The following TIAM2 variants were observed in gnomAD, a reference collection of about 807,000 sequenced individuals.
TIAM2 encodes rho guanine nucleotide exchange factor TIAM2.
Under a neutral mutation model 152.9 loss-of-function variants are expected in TIAM2, and 80 were observed. The ratio of observed to expected loss-of-function variants is 0.52; its 90% CI spans 0.44 to 0.63. The LOEUF (loss-of-function observed/expected upper bound fraction) is 0.63, where lower values mean the gene tolerates loss of function less well. TIAM2 is among the 30% of genes least tolerant of loss of function. The pLI, the probability that TIAM2 is intolerant of heterozygous loss-of-function variation, is 0.00. For synonymous variants in TIAM2, 804 were observed against 838.0 expected (o/e 0.96, Z 0.70); for missense variants, 1,965 against 2,120.1 (o/e 0.93, Z 1.44).
intron 15 of TIAM2, among the ~76,000 whole-genome samples, chr6:155,223,986 T>C (rs1218638344): frequency 6.6e-6 from 1 of 152,252 alleles, no homozygotes; most frequent in African/African-American, 2.4e-5. Context: ...CTTTAATATT[T>C]ACCCAGGGGG....
intron 1 of TIAM2, among the ~76,000 whole-genome samples, chr6:155,020,758 C>T (rs772672396): frequency 1.3e-5 from 2 of 152,150 alleles, no homozygotes; most frequent in African/African-American, 2.4e-5. Flanking sequence ...CCACTGTGCC[C>T]GGCCATATTA....
At chr6:155,102,741 CATG>C (rs887404147) in intron 2 of TIAM2, among the ~76,000 whole-genome samples, 37 of 150,212 alleles carry the variant, frequency 2.5e-4, no homozygotes, top group African/African-American at 9.1e-4. Context: ...ATTAGTAAAA[CATG>C]GTGTTTTTTA....
At chr6:155,133,765 G>T (rs1156497353) in intron 4 of TIAM2, among the ~76,000 whole-genome samples, 1 of 149,764 alleles carries the variant, frequency 6.7e-6, no homozygotes, top group Non-Finnish European at 1.5e-5. Context: ...ATGGAGTCTT[G>T]CTCTTTTTGC....
chr6:155,223,660 GT>G (rs199926692), intron 15 of TIAM2, among the ~76,000 whole-genome samples: 3 of 150,390 alleles, frequency 2.0e-5, no homozygotes, highest in African/African-American at 4.9e-5. Context: ...AACAAAATGG[GT>G]TTTTTTTTGG....
At chr6:155,210,557 G>A (rs1181558216) in intron 14 of TIAM2, among the ~76,000 whole-genome samples, 9 of 151,784 alleles carry the variant, frequency 5.9e-5, no homozygotes, top group East Asian at 3.9e-4. Context: ...GGGTGGTCTC[G>A]AACTCCTGGT....
At chr6:155,227,956 G>A (rs150775293) in intron 15 of TIAM2, among the ~76,000 whole-genome samples, 33 of 152,356 alleles carry the variant, frequency 2.2e-4, no homozygotes, top group African/African-American at 7.7e-4. Context: ...TCAGAGCAGA[G>A]TGCTTGGTCT....
At chr6:155,226,688 A>G (rs1782260535) in intron 15 of TIAM2, among the ~76,000 whole-genome samples, 1 of 152,076 alleles carries the variant, frequency 6.6e-6, no homozygotes. Context: ...GGGGCAGGGA[A>G]GAAAAAAAGA....
At chr6:155,022,080 C>G (rs907920036) in intron 1 of TIAM2, among the ~76,000 whole-genome samples, 1 of 152,188 alleles carries the variant, frequency 6.6e-6, no homozygotes, top group African/African-American at 2.4e-5. Context: ...CTTCCCTCCT[C>G]TGTTTTCAGT....
chr6:155,126,049 T>C (rs1379860732), intron 2 of TIAM2, among the ~76,000 whole-genome samples: 4 of 152,168 alleles, frequency 2.6e-5, no homozygotes, highest in Non-Finnish European at 5.9e-5. Context: ...TTATTCATAA[T>C]AGCCAAGAGG....
chr6:155,168,776 A>G, intron 9 of TIAM2: 2 of 1,317,156 alleles, frequency 1.5e-6, no homozygotes, highest in Non-Finnish European at 2.0e-6. Flanking sequence ...TTAAATAATG[A>G]AAAAGGGTAG....
intron 15 of TIAM2, 25 bp from the exon 16 acceptor site, chr6:155,240,505 T>G: frequency 6.3e-7 from 1 of 1,585,662 alleles, no homozygotes; most frequent in Non-Finnish European, 8.6e-7. Flanking sequence ...CCGTGCATTA[T>G]TTTCCACCTC....
chr6:155,248,673 G>A (rs924606029), intron 20 of TIAM2, among the ~76,000 whole-genome samples: 1 of 152,168 alleles, frequency 6.6e-6, no homozygotes, highest in Non-Finnish European at 1.5e-5. Flanking sequence ...CTTTCAAGTC[G>A]CTACTGGTGT....
intron 24 of TIAM2, chr6:155,253,293 A>G (rs2274825): frequency 0.062 from 30,433 of 493,878 alleles, 1,419 homozygotes; most frequent in East Asian, 0.2. Context: ...TTCCCTATCA[A>G]TAGTTTTCAA....
At chr6:155,045,418 A>G (rs1005477307) in intron 1 of TIAM2, among the ~76,000 whole-genome samples, 1 of 151,532 alleles carries the variant, frequency 6.6e-6, no homozygotes, top group African/African-American at 2.4e-5. Context: ...CTTTATGGGC[A>G]CATTTTTCTC....
intron 1 of TIAM2, among the ~76,000 whole-genome samples, chr6:155,059,469 G>A (rs1777528662): frequency 6.6e-6 from 1 of 152,040 alleles, no homozygotes; most frequent in Non-Finnish European, 1.5e-5. Context: ...GATTACAGGT[G>A]CCACCACAGC....
chr6:155,090,611 G>T (rs1161269530), intron 2 of TIAM2, among the ~76,000 whole-genome samples: 1 of 152,162 alleles, frequency 6.6e-6, no homozygotes, highest in Non-Finnish European at 1.5e-5. Context: ...AGATATGCTG[G>T]ATGGTCCACT....
At chr6:155,025,418 T>C (rs1776582105) in intron 1 of TIAM2, among the ~76,000 whole-genome samples, 1 of 152,004 alleles carries the variant, frequency 6.6e-6, no homozygotes, top group Non-Finnish European at 1.5e-5. Context: ...CCTGACCTCG[T>C]GATCTGCCCT....
At chr6:155,064,801 T>G (rs1777652477) in intron 1 of TIAM2, among the ~76,000 whole-genome samples, 2 of 151,968 alleles carry the variant, frequency 1.3e-5, no homozygotes, top group African/African-American at 4.8e-5. Flanking sequence ...AGGACAAACA[T>G]CTCATCTCTC....
intron 2 of TIAM2, among the ~76,000 whole-genome samples, chr6:155,117,135 A>G (rs1779034185): frequency 7.2e-6 from 1 of 138,870 alleles, no homozygotes. Context: ...AAAAATAAGG[A>G]AAATATTTCG....
Sources: gnomAD v4.1 joint callset for allele counts (sites outside exome capture counted in the v4.1 genomes callset) on GRCh38, gnomAD v4.1.1 for gene constraint, MANE v1.5 for transcripts, NCBI Gene and HGNC (gene_info 2026-07-23, HGNC 2026-07-21) for gene names.